The following XRCC4 variants were observed in gnomAD, a reference collection of about 807,000 sequenced individuals.
The protein encoded by XRCC4 is DNA repair protein XRCC4.
Under a neutral mutation model 39.1 loss-of-function variants are expected in XRCC4, and 28 were observed. The observed-to-expected ratio is 0.72, with a 90% CI of 0.53 to 0.98. XRCC4 has a LOEUF of 0.98. Among genes scored for constraint, XRCC4 ranks in the 50% least tolerant of loss-of-function variants. XRCC4 has a pLI of 0.00. For synonymous variants in XRCC4, 123 were observed against 126.4 expected, an observed-to-expected ratio of 0.97 and a Z score of 0.18; for missense variants, 350 against 376.4, an observed-to-expected ratio of 0.93 and a Z score of 0.58.
At chr5:83,257,568 A>T (rs1753588495) in intron 6 of XRCC4, among the ~76,000 whole-genome samples, 1 of 152,212 alleles carries the variant, frequency 6.6e-6, no homozygotes, top group Non-Finnish European at 1.5e-5. Context: ...GAGAAATAGG[A>T]ACGCTTTTAC....
intron 7 of XRCC4, among the ~76,000 whole-genome samples, chr5:83,270,195 G>A (rs1754092467): frequency 6.6e-6 from 1 of 152,128 alleles, no homozygotes; most frequent in African/African-American, 2.4e-5. Context: ...AGGTGGTAAT[G>A]TGAGTGATGG....
chr5:83,190,040 C>T (rs894664160), intron 3 of XRCC4, among the ~76,000 whole-genome samples: 3 of 151,768 alleles, frequency 2.0e-5, no homozygotes, highest in African/African-American at 4.8e-5. Context: ...CTCCAGCCTG[C>T]GTGACAGAGC....
chr5:83,304,102 T>G (rs1755391996), intron 7 of XRCC4, among the ~76,000 whole-genome samples: 1 of 152,090 alleles, frequency 6.6e-6, no homozygotes, highest in African/African-American at 2.4e-5. Context: ...GATCTGAAAC[T>G]GTAAAAGTAA....
intron 3 of XRCC4, among the ~76,000 whole-genome samples, chr5:83,185,070 A>G (rs1246902407): frequency 6.6e-6 from 1 of 152,054 alleles, no homozygotes; most frequent in Non-Finnish European, 1.5e-5. Context: ...TTGTTTTGAT[A>G]CGACCAAGGG....
At chr5:83,137,413 A>C (rs149848888) in intron 3 of XRCC4, among the ~76,000 whole-genome samples, 2 of 152,324 alleles carry the variant, frequency 1.3e-5, no homozygotes, top group African/African-American at 4.8e-5. Flanking sequence ...AAGTTTAGTG[A>C]GGCAGCTATA....
At chr5:83,227,006 T>C (rs1752317093) in intron 6 of XRCC4, among the ~76,000 whole-genome samples, 1 of 152,110 alleles carries the variant, frequency 6.6e-6, no homozygotes, top group African/African-American at 2.4e-5. Context: ...ATTAGAGTTT[T>C]TCACTTTTCC....
intron 7 of XRCC4, among the ~76,000 whole-genome samples, chr5:83,277,793 G>T (rs976410329): frequency 1.3e-5 from 2 of 152,042 alleles, no homozygotes; most frequent in Admixed American, 6.5e-5. Flanking sequence ...TGGAAGTTTT[G>T]TTTTCTGTCT....
chr5:83,094,038 TTTTC>T (rs1580207385), intron 1 of XRCC4, among the ~76,000 whole-genome samples: 1 of 152,124 alleles, frequency 6.6e-6, no homozygotes, highest in South Asian at 2.1e-4. Context: ...TTTCAGAATT[TTTTC>T]TTTCTCTTTA....
rs1181906090 is a variant in XRCC4, at chr5:83,243,464, T to C, written c.746-15066T>C. Among the ~76,000 whole-genome samples the C allele has an allele frequency of 2.6e-5, 4 of 152,220 alleles. No homozygotes were observed. In the East Asian group the frequency reaches 5.8e-4, roughly 22 times the overall value. ...ACTTCCCTGGTGTTTCTTGCTCTTA[T>C]AATAAAGACATCAGACTCACTGGGC... On this transcript the variant is annotated intron_variant, in intron 6 of 7. Transcript: ENST00000396027.
intron 3 of XRCC4, among the ~76,000 whole-genome samples, chr5:83,151,213 C>T (rs373488273): frequency 3.3e-5 from 5 of 151,998 alleles, no homozygotes; most frequent in African/African-American, 1.2e-4. Context: ...CTCCATGAAT[C>T]ACATAAATCA....
At chr5:83,178,738 A>G (rs571931675) in intron 3 of XRCC4, among the ~76,000 whole-genome samples, 1 of 152,318 alleles carries the variant, frequency 6.6e-6, no homozygotes, top group African/African-American at 2.4e-5. Flanking sequence ...CCAAAGTATT[A>G]GAGTTTGCAA....
intron 3 of XRCC4, among the ~76,000 whole-genome samples, chr5:83,138,283 TATAA>T (rs1747997566): frequency 1.3e-5 from 2 of 152,176 alleles, no homozygotes; most frequent in Non-Finnish European, 1.5e-5. Flanking sequence ...TGAAGTGCAC[TATAA>T]ATAACATCAT....
chr5:83,186,940 C>CTTTTTTTTTTTTT (rs1750468282), intron 3 of XRCC4, among the ~76,000 whole-genome samples: 2 of 96,828 alleles, frequency 2.1e-5, no homozygotes, highest in African/African-American at 1.1e-4. Flanking sequence ...CTGCTTCTTC[C>CTTTTTTTTTTTTT]ATTTTTTTTT....
At chr5:83,366,372 A>G in the XRCC4 span, among the ~76,000 whole-genome samples, 1 of 152,098 alleles carries the variant, frequency 6.6e-6, no homozygotes, top group Non-Finnish European at 1.5e-5. Flanking sequence ...GTCTCTCCCA[A>G]CCTACATCCA....
intron 7 of XRCC4, among the ~76,000 whole-genome samples, chr5:83,293,303 A>G (rs749832197): frequency 2.0e-5 from 3 of 151,972 alleles, no homozygotes; most frequent in Non-Finnish European, 4.4e-5. Flanking sequence ...ACTAACTCCT[A>G]GTATAATACT....
intron 2 of XRCC4, among the ~76,000 whole-genome samples, chr5:83,109,028 C>T (rs537064687): frequency 1.1e-4 from 16 of 151,302 alleles, no homozygotes; most frequent in South Asian, 2.1e-4. Flanking sequence ...GGTTGTGTGA[C>T]GTATGAGAAT....
chr5:83,091,877 C>G (rs973387245), intron 1 of XRCC4, among the ~76,000 whole-genome samples: 5 of 152,156 alleles, frequency 3.3e-5, no homozygotes, highest in Non-Finnish European at 5.9e-5. Context: ...GGTAAATACT[C>G]AGAAGTGGGA....
At chr5:83,344,356 C>G (rs911297840) in intron 7 of XRCC4, among the ~76,000 whole-genome samples, 1 of 151,636 alleles carries the variant, frequency 6.6e-6, no homozygotes, top group African/African-American at 2.4e-5. Context: ...CCTGCTTCAG[C>G]CTCTTGAGTA....
intron 1 of XRCC4, among the ~76,000 whole-genome samples, chr5:83,083,893 A>C (rs1745069882): frequency 6.6e-6 from 1 of 152,110 alleles, no homozygotes. Flanking sequence ...ATAATATTAG[A>C]TGTAACTCAA....
Sources: gnomAD v4.1 joint callset for allele counts (sites outside exome capture counted in the v4.1 genomes callset) on GRCh38, gnomAD v4.1.1 for gene constraint, MANE v1.5 for transcripts, NCBI Gene and HGNC (gene_info 2026-07-23, HGNC 2026-07-21) for gene names.